The following KATNAL1 variants were observed in gnomAD, a reference collection of about 807,000 sequenced individuals.
The protein encoded by KATNAL1 is katanin catalytic subunit A1 like 1.
KATNAL1 carries 32 observed loss-of-function variants against 55.2 expected under a neutral mutation model. That is an observed-to-expected ratio of 0.58 (90% CI 0.44 to 0.78). KATNAL1 has a LOEUF of 0.78. Ranked by LOEUF, KATNAL1 falls within the 30% of genes least tolerant of loss-of-function variation. KATNAL1 has a pLI of 0.00. For synonymous variants in KATNAL1, 193 were observed against 193.6 expected, an observed-to-expected ratio of 1.00 and a Z score of 0.02; for missense variants, 466 against 600.9, an observed-to-expected ratio of 0.78 and a Z score of 2.35.
chr13:30,289,485 A>C (rs1460992239), intron 1 of KATNAL1, among the ~76,000 whole-genome samples: 1 of 152,196 alleles, frequency 6.6e-6, no homozygotes, highest in Non-Finnish European at 1.5e-5. Flanking sequence ...TAATTTTGTA[A>C]AGAAATTCTA....
rs1872935660 is a variant in KATNAL1 at position 30,204,490 on chromosome 13, C to T, written c.*4050G>A. 6.6e-6 allele frequency: 1 copy of T among 152,284 alleles called. No homozygotes were observed. Among genetic ancestry groups the T allele is most frequent in the Middle Eastern group, 3.4e-3 (1 of 294 alleles). 9.4% of individuals were successfully genotyped at this position (152,284 alleles called of 1,614,324 possible). ...CTGGTTAGTGTTTTATGATTCTCAT[C>T]ACACATTTAGCAGTGTATATAAAAA... On this transcript the variant is annotated 3_prime_UTR_variant, in exon 11 of 11. Transcript: ENST00000380615.
intron 6 of KATNAL1, among the ~76,000 whole-genome samples, chr13:30,233,448 G>C (rs1313395305): frequency 1.1e-4 from 17 of 152,044 alleles, no homozygotes; most frequent in Admixed American, 1.0e-3. Flanking sequence ...CAAAAAGATA[G>C]CTAATAATAG....
At position 30,261,479 on chromosome 13, in the gene KATNAL1, G is replaced by A. The variant is rs532230467; in HGVS notation, c.324-5864C>T. Among the ~76,000 whole-genome samples, 22 of 152,276 alleles carry A rather than the reference G, an allele frequency of 1.4e-4. 1 individual carries two copies. Among genetic ancestry groups the A allele is most frequent in the East Asian group, 5.8e-4 (3 of 5,186 alleles). ...GCTGTATTCAGGAGACCCATCTCAC[G>A]TGCAGAGACACACATAGGCTCAAAA... On this transcript the variant is annotated intron_variant, in intron 3 of 10. Transcript: ENST00000380615.
intron 1 of KATNAL1, among the ~76,000 whole-genome samples, chr13:30,297,991 C>A (rs888073902): frequency 1.3e-5 from 2 of 152,166 alleles, no homozygotes; most frequent in Non-Finnish European, 2.9e-5. Flanking sequence ...AACAAACGTG[C>A]AGATGTACCC....
chr13:30,254,397 T>A (rs1429245256), intron 4 of KATNAL1, among the ~76,000 whole-genome samples: 1 of 152,124 alleles, frequency 6.6e-6, no homozygotes, highest in Non-Finnish European at 1.5e-5. Flanking sequence ...ACTACAAACA[T>A]TAAAAAAATC....
At chr13:30,220,533 G>GA (rs994771489) in intron 9 of KATNAL1, among the ~76,000 whole-genome samples, 2 of 151,898 alleles carry the variant, frequency 1.3e-5, no homozygotes, top group African/African-American at 4.8e-5. Context: ...CACAAATAAG[G>GA]AAAAAAACGC....
chr13:30,255,364 T>A (rs983638030), intron 4 of KATNAL1, 83 bp downstream of exon 4: 2 of 1,148,642 alleles, frequency 1.7e-6, no homozygotes, highest in African/African-American at 3.2e-5. Flanking sequence ...AACCAGGGTA[T>A]CTTGAAAAGC....
intron 3 of KATNAL1, among the ~76,000 whole-genome samples, chr13:30,266,663 C>G (rs1879807764): frequency 6.6e-6 from 1 of 152,104 alleles, no homozygotes; most frequent in African/African-American, 2.4e-5. Context: ...AATAAATATG[C>G]AAATATACAC....
rs1395831806 is a variant in KATNAL1, at chr13:30,274,905, GCGCACACA to G, written c.323+5150_323+5157del. On this transcript the variant is annotated intron_variant, in intron 3 of 10. Transcript: ENST00000380615. ...TGCACACACATACGCGCGCGCGCGC[GCGCACACA>G]CACACACACACACACACACACACAC... is the stretch of plus-strand genomic sequence containing the variant. 7.2e-3 allele frequency among the ~76,000 whole-genome samples: 606 copies of G among 84,294 alleles called. 1 individual carries two copies. Among genetic ancestry groups the G allele is most frequent in the African/African-American group, 0.011 (259 of 23,822 alleles). The allele number at this position is 84,294 out of a possible 152,430, so 55.3% of individuals were successfully genotyped here. A position where few individuals can be genotyped will look rare whatever the true frequency, so the allele number is the denominator to read the frequency against.
chr13:30,283,025 T>G (rs1881497358), intron 2 of KATNAL1, among the ~76,000 whole-genome samples: 1 of 149,462 alleles, frequency 6.7e-6, no homozygotes, highest in South Asian at 2.1e-4. Flanking sequence ...ATCCCAGCAC[T>G]TTGGGAGGCT....
intron 3 of KATNAL1, among the ~76,000 whole-genome samples, chr13:30,260,082 T>G (rs1879146070): frequency 6.6e-6 from 1 of 152,260 alleles, no homozygotes; most frequent in African/African-American, 2.4e-5. Flanking sequence ...CCCAGCAGCC[T>G]AACTGGGAGG....
chr13:30,241,611 C>T (rs889295132), intron 4 of KATNAL1, among the ~76,000 whole-genome samples: 1 of 152,166 alleles, frequency 6.6e-6, no homozygotes, highest in Non-Finnish European at 1.5e-5. Context: ...TTGCCAGAGA[C>T]AGTCCAACTA....
At chr13:30,280,570 C>A (rs1881205104) in intron 2 of KATNAL1, among the ~76,000 whole-genome samples, 1 of 152,030 alleles carries the variant, frequency 6.6e-6, no homozygotes, top group African/African-American at 2.4e-5. Context: ...GTGCTAAATA[C>A]TTTTAATATA....
chr13:30,288,675 C>T (rs1367841637), intron 1 of KATNAL1, among the ~76,000 whole-genome samples: 1 of 152,154 alleles, frequency 6.6e-6, no homozygotes, highest in Non-Finnish European at 1.5e-5. Context: ...AGCCATTCAG[C>T]GTTCAATATT....
intron 3 of KATNAL1, among the ~76,000 whole-genome samples, chr13:30,256,995 G>C (rs1415199644): frequency 6.6e-6 from 1 of 152,190 alleles, no homozygotes; most frequent in Non-Finnish European, 1.5e-5. Context: ...ATAGTGCATA[G>C]TAATGGCTAT....
chr13:30,224,940 AG>A (rs906946210), intron 9 of KATNAL1, among the ~76,000 whole-genome samples: 3 of 152,160 alleles, frequency 2.0e-5, no homozygotes, highest in African/African-American at 7.2e-5. Flanking sequence ...GTCATGTCTG[AG>A]ATGTGAAAGG....
intron 1 of KATNAL1, among the ~76,000 whole-genome samples, chr13:30,295,158 T>C (rs1226145754): frequency 6.6e-6 from 1 of 152,220 alleles, no homozygotes; most frequent in African/African-American, 2.4e-5. Context: ...ATTTAAGAAA[T>C]ACATTTTTTA....
rs529027201 is a variant in KATNAL1, at chr13:30,286,732, A to G, written c.-14-2941T>C. ...AATGGTAGATCCACTGACAGCTTGC[A>G]TTATGCATCTGGAAAAGCCACAGAC... On this transcript the variant is annotated intron_variant, in intron 1 of 10. Transcript: ENST00000380615. Among the ~76,000 whole-genome samples, 8 of 152,310 alleles carry G rather than the reference A, an allele frequency of 5.3e-5. 1 individual carries two copies. In the East Asian group the frequency reaches 1.4e-3, roughly 26 times the overall value.
intron 8 of KATNAL1, among the ~76,000 whole-genome samples, chr13:30,228,238 T>TA (rs909355721): frequency 6.6e-6 from 1 of 152,070 alleles, no homozygotes; most frequent in African/African-American, 2.4e-5. Flanking sequence ...AAATAAAAGA[T>TA]AAAAAAACCC....
Sources: gnomAD v4.1 joint callset for allele counts (sites outside exome capture counted in the v4.1 genomes callset) on GRCh38, gnomAD v4.1.1 for gene constraint, MANE v1.5 for transcripts, NCBI Gene and HGNC (gene_info 2026-07-23, HGNC 2026-07-21) for gene names.